The following WARS2 variants were observed in gnomAD, a reference collection of about 807,000 sequenced individuals.
The protein encoded by WARS2 is tryptophan--tRNA ligase, mitochondrial.
Under a neutral mutation model 36.5 loss-of-function variants are expected in WARS2, and 28 were observed. That is an observed-to-expected ratio of 0.77 (90% CI 0.57 to 1.05). The LOEUF is 1.05. Ranked by LOEUF, WARS2 falls within the 50% of genes least tolerant of loss-of-function variation. The pLI is 0.00. For missense variants in WARS2, 435 were observed against 456.8 expected, an observed-to-expected ratio of 0.95 and a Z score of 0.44; for synonymous variants, 174 against 178.4, an observed-to-expected ratio of 0.98 and a Z score of 0.20.
At chr1:119,089,572 G>GA (rs757744658) in intron 1 of WARS2, among the ~76,000 whole-genome samples, 5 of 152,140 alleles carry the variant, frequency 3.3e-5, no homozygotes, top group Admixed American at 6.5e-5. Context: ...GGAGGACTGT[G>GA]ACAAGTTTAT....
chr1:119,065,930 T>A (rs368378281), intron 2 of WARS2, among the ~76,000 whole-genome samples: 66 of 152,282 alleles, frequency 4.3e-4, no homozygotes, highest in Middle Eastern at 3.4e-3. Flanking sequence ...AATGTGATTT[T>A]TAAAAATACT....
intron 2 of WARS2, among the ~76,000 whole-genome samples, chr1:119,059,094 G>T (rs966691424): frequency 2.7e-5 from 4 of 150,644 alleles, no homozygotes; most frequent in Admixed American, 2.0e-4. Context: ...TTTTTTGGCT[G>T]CATAAATGTC....
chr1:119,106,506 T>A (rs1381772947), intron 1 of WARS2, among the ~76,000 whole-genome samples: 2 of 152,158 alleles, frequency 1.3e-5, no homozygotes, highest in Non-Finnish European at 2.9e-5. Flanking sequence ...ACCACTAGGC[T>A]TTTTACTGTC....
chr1:119,081,268 A>C (rs1427693767), intron 1 of WARS2, among the ~76,000 whole-genome samples: 1 of 152,192 alleles, frequency 6.6e-6, no homozygotes, highest in Admixed American at 6.5e-5. Context: ...CCAAGTTATT[A>C]ATTATGGCAA....
rs78910510 is a variant in WARS2, at chr1:119,073,622, A to G, written c.348+2728T>C. On this transcript the variant is annotated intron_variant, in intron 2 of 5. Coordinates refer to ENST00000235521, the MANE Select transcript of WARS2 (RefSeq NM_015836.4). The stretch of plus-strand genomic sequence containing the variant: ...GGAGAAGACGGGCACATACCAGTCA[A>G]GTCTGTCCCTTCCACTCTCTGACCT... Among the ~76,000 whole-genome samples the G allele has an allele frequency of 7.7e-3, 1,175 of 152,316 alleles. 15 individuals carry two copies. The highest frequency in any genetic ancestry group is 0.027 in the African/African-American group (1,121 of 41,564).
At chr1:119,073,350 G>A (rs985503654) in intron 2 of WARS2, among the ~76,000 whole-genome samples, 1 of 152,070 alleles carries the variant, frequency 6.6e-6, no homozygotes, top group African/African-American at 2.4e-5. Flanking sequence ...CATCCATAGA[G>A]TTGTAGTAAG....
chr1:119,092,530 TC>T (rs1325573581), intron 1 of WARS2, among the ~76,000 whole-genome samples: 1 of 152,170 alleles, frequency 6.6e-6, no homozygotes, highest in Non-Finnish European at 1.5e-5. Flanking sequence ...AGGTCAACTC[TC>T]CCCGATTCTG....
At chr1:119,128,177 C>A (rs912161876) in intron 1 of WARS2, among the ~76,000 whole-genome samples, 7 of 152,124 alleles carry the variant, frequency 4.6e-5, no homozygotes, top group Non-Finnish European at 1.0e-4. Flanking sequence ...TGGGTTCAAG[C>A]TATTATCCTA....
At chr1:119,125,014 C>A (rs1655557374) in intron 1 of WARS2, among the ~76,000 whole-genome samples, 1 of 152,114 alleles carries the variant, frequency 6.6e-6, no homozygotes, top group South Asian at 2.1e-4. Flanking sequence ...TCTGTACTGT[C>A]TTATAGGGCT....
At chr1:119,079,844 G>A (rs1270129711) in intron 1 of WARS2, among the ~76,000 whole-genome samples, 1 of 152,124 alleles carries the variant, frequency 6.6e-6, no homozygotes, top group Non-Finnish European at 1.5e-5. Context: ...TATCTTTCAG[G>A]TAATTGAGAA....
At chr1:119,093,482 A>G (rs1653191787) in intron 1 of WARS2, among the ~76,000 whole-genome samples, 1 of 30,122 alleles carries the variant, frequency 3.3e-5, no homozygotes, top group Admixed American at 3.0e-4. Flanking sequence ...TCATAAATAC[A>G]ATGACTTGTG....
intron 2 of WARS2, among the ~76,000 whole-genome samples, chr1:119,051,273 A>G (rs1649326472): frequency 6.6e-6 from 1 of 152,154 alleles, no homozygotes; most frequent in Admixed American, 6.6e-5. Context: ...TATAAGTGAG[A>G]ATATGTGGCA....
At chr1:119,112,884 G>T (rs1654738306) in intron 1 of WARS2, among the ~76,000 whole-genome samples, 1 of 152,152 alleles carries the variant, frequency 6.6e-6, no homozygotes, top group African/African-American at 2.4e-5. Context: ...GTAAGTGGGG[G>T]TTTGCTGAGT....
At chr1:119,070,682 G>A (rs549236816) in intron 2 of WARS2, among the ~76,000 whole-genome samples, 1 of 152,098 alleles carries the variant, frequency 6.6e-6, no homozygotes, top group East Asian at 2.0e-4. Flanking sequence ...GTTTGGGGCT[G>A]CAGTGAGCTA....
chr1:119,058,415 G>C (rs1314910090), intron 2 of WARS2, among the ~76,000 whole-genome samples: 1 of 136,276 alleles, frequency 7.3e-6, no homozygotes, highest in Non-Finnish European at 1.5e-5. Flanking sequence ...CACTAAACTC[G>C]TCATCTAGCA....
intron 1 of WARS2, among the ~76,000 whole-genome samples, chr1:119,114,584 G>A (rs1248101947): frequency 1.3e-5 from 2 of 152,124 alleles, no homozygotes; most frequent in Non-Finnish European, 2.9e-5. Flanking sequence ...AACTTAGCAA[G>A]GCTTCTTCAG....
intron 1 of WARS2, among the ~76,000 whole-genome samples, chr1:119,123,355 T>C (rs116256174): frequency 2.0e-4 from 30 of 152,322 alleles, no homozygotes; most frequent in African/African-American, 7.0e-4. Flanking sequence ...TGGGTAATGA[T>C]AGCTTGATTA....
At chr1:119,068,644 T>C (rs190646613) in intron 2 of WARS2, among the ~76,000 whole-genome samples, 67 of 152,178 alleles carry the variant, frequency 4.4e-4, no homozygotes, top group Non-Finnish European at 5.4e-4. Context: ...ATCTGCAGAG[T>C]AACAGTGAAA....
At chr1:119,087,077 CTCTT>C (rs1652728618) in intron 1 of WARS2, among the ~76,000 whole-genome samples, 1 of 152,176 alleles carries the variant, frequency 6.6e-6, no homozygotes, top group Non-Finnish European at 1.5e-5. Context: ...CCACCAATGT[CTCTT>C]TTTCTCTCTC....
Sources: gnomAD v4.1 joint callset for allele counts (sites outside exome capture counted in the v4.1 genomes callset) on GRCh38, gnomAD v4.1.1 for gene constraint, MANE v1.5 for transcripts, NCBI Gene and HGNC (gene_info 2026-07-23, HGNC 2026-07-21) for gene names.